NOS3: variants seen among roughly 807,000 people sequenced by gnomAD.
NOS3 encodes the protein NOS type III.
Under a neutral mutation model 144.9 loss-of-function variants are expected in NOS3, and 98 were observed. The ratio of observed to expected loss-of-function variants is 0.68; its 90% CI spans 0.57 to 0.80. The LOEUF is 0.80. Among genes scored for constraint, NOS3 ranks in the 30% least tolerant of loss-of-function variants. The probability of loss-of-function intolerance (pLI) is 0.00; values close to 1 mark genes in which losing one functional copy is unlikely to be tolerated. For synonymous variants in NOS3, 714 were observed against 702.4 expected (o/e 1.02, Z -0.26); for missense variants, 1,465 against 1,656.4 (o/e 0.88, Z 2.01).
intron 1 of NOS3, among the ~76,000 whole-genome samples, chr7:150,992,493 A>G (rs1802274259): frequency 6.6e-6 from 1 of 152,092 alleles, no homozygotes; most frequent in Non-Finnish European, 1.5e-5. Context: ...GCAGCAGGGC[A>G]CACTAGTGTC....
chr7:151,012,463 G>C lies in NOS3; in HGVS notation c.3097G>C (p.Glu1033Gln). 6.2e-7 allele frequency: 1 copy of C among 1,612,144 alleles called. No homozygotes were observed. Among genetic ancestry groups the C allele is most frequent in the East Asian group, 2.2e-5 (1 of 44,834 alleles). The change falls in exon 24 of 27, where the codon GAG becomes CAG. Residue 1033 changes from glutamate to glutamine, a missense_variant. By Grantham distance (29) the Glu-to-Gln change is conservative. Around this residue, in one of 5 missense-constraint regions of NOS3, gnomAD observed 106 missense variants for 167.7 expected, o/e 0.63. Transcript: ENST00000297494. ...GFWQERLHDI[E>Q]SKGLQPTPMT... ...CTGGCAGGAGCGGCTGCATGACATT[G>C]AGAGCAAAGGTGAGGCTGGGGACTA...
Position 151,010,758 on chromosome 7 carries a change from C to T in NOS3, c.2847C>T (p.His949=). ...CAGTCAGCTCGGCACCCAGCACCCA[C>T]CCAGGAGAGATCCACCTCACTGTAG... ...YYSVSSAPST[H]PGEIHLTVAV... Residue 949 remains histidine, a synonymous_variant, in exon 22 of 27, where the codon CAC becomes CAT. Coordinates refer to ENST00000297494, the MANE Select transcript of NOS3 (RefSeq NM_000603.5). 3 of 1,613,558 alleles carry T rather than the reference C, an allele frequency of 1.9e-6. No individual in the cohort carries two copies. Among genetic ancestry groups the T allele is most frequent in the Non-Finnish European group, 1.7e-6 (2 of 1,179,812 alleles).
chr7:151,000,645 G>A, intron 10 of NOS3, 46 bp downstream of exon 10: 1 of 1,270,272 alleles, frequency 7.9e-7, no homozygotes, highest in Non-Finnish European at 1.1e-6. Context: ...TTTGCATACG[G>A]GGGCAGCAGG....
rs1277502939 is a variant in NOS3, at chr7:151,003,162, G to C, written c.1752+858G>C. 2.2e-6 allele frequency: 1 copy of C among 453,158 alleles called. No individual in the cohort carries two copies. Among genetic ancestry groups the C allele is most frequent in the Non-Finnish European group, 4.4e-6 (1 of 226,532 alleles). The allele number at this position is 453,158 out of a possible 1,614,324, so 28.1% of individuals were successfully genotyped here. Reference sequence around the variant, plus strand: ...TTCCTTTGAGACAGGGTCTCACTTTGTGGCCCAGGCTGGAGTGCAGTAGTA... The same window carrying C: ...TTCCTTTGAGACAGGGTCTCACTTTCTGGCCCAGGCTGGAGTGCAGTAGTA... On this transcript the variant is annotated intron_variant, in intron 14 of 26. Coordinates refer to ENST00000297494, the MANE Select transcript of NOS3 (RefSeq NM_000603.5). This position sits in a 1 kb window ranked among gnomAD's most constrained non-coding sequence, Gnocchi z 4.1.
intron 23 of NOS3, chr7:151,011,707 G>A: frequency 4.0e-6 from 1 of 249,624 alleles, no homozygotes. Context: ...TGTATTTTTA[G>A]TAGAGACGGT....
chr7:150,996,426 G>T lies in NOS3; in HGVS notation c.293G>T (p.Arg98Leu). Reference sequence around the variant, plus strand: ...CAGGATGGGCCCTGCACCCCAAGACGCTGCCTGGGCTCCCTGGTATTTCCA... The same window carrying T: ...CAGGATGGGCCCTGCACCCCAAGACTCTGCCTGGGCTCCCTGGTATTTCCA... ...AQQDGPCTPR[R>L]CLGSLVFPRK... The change falls in exon 4 of 27, where the codon CGC (arginine) becomes CTC (leucine). Residue 98 changes from arginine to leucine, a missense_variant. Arg to Leu is a moderately radical substitution (Grantham distance 102, BLOSUM62 -2). Coordinates refer to ENST00000297494, the MANE Select transcript of NOS3 (RefSeq NM_000603.5). 1 of 1,482,534 alleles carries T rather than the reference G, an allele frequency of 6.7e-7. No individual in the cohort carries two copies. The highest frequency in any genetic ancestry group is 9.0e-7 in the Non-Finnish European group (1 of 1,112,338). The allele number at this position is 1,482,534 out of a possible 1,614,324, so 91.8% of individuals were successfully genotyped here.
Position 150,998,127 on chromosome 7 carries a change from T to C in NOS3, c.583-230T>C, listed in dbSNP as rs1196160362. Among the ~76,000 whole-genome samples, 16 of 152,070 alleles carry C rather than the reference T, an allele frequency of 1.1e-4. No homozygotes were observed. The highest frequency in any genetic ancestry group is 1.5e-4 in the Non-Finnish European group (10 of 67,996). On this transcript the variant is annotated intron_variant, in intron 5 of 26. Coordinates refer to ENST00000297494, the MANE Select transcript of NOS3 (RefSeq NM_000603.5). The surrounding 1 kb of genome is among the most constrained non-coding windows in gnomAD (Gnocchi z 5.0). The stretch of plus-strand genomic sequence containing the variant: ...GTACTGGATACCAAGTCAGCTTCCA[T>C]AGGGATGGGGAGACACCTGGCCCAG...
At chr7:151,006,865 C>T (rs1396464550) in intron 15 of NOS3, 24 bp from the exon 16 acceptor site, 1 of 1,587,300 alleles carries the variant, frequency 6.3e-7, no homozygotes. Flanking sequence ...CTGTGACAAC[C>T]TTGTCTTTGT....
chr7:151,001,890 T>A lies in NOS3; in HGVS notation c.1572T>A (p.Tyr524Ter). ...AGCGAGTGAAGGCGACAATCCTGTATGGCTCCGAGACCGGCCGGGCCCAGA... is the reference window on the plus strand; with the variant it reads ...AGCGAGTGAAGGCGACAATCCTGTAAGGCTCCGAGACCGGCCGGGCCCAGA... ...MAKRVKATIL[Y>*]GSETGRAQSY... The change falls in exon 13 of 27, where the codon TAT (tyrosine) becomes TAA (stop). Residue 524 changes from tyrosine to a stop codon, truncating the protein, a stop_gained. Coordinates refer to ENST00000297494, the MANE Select transcript of NOS3 (RefSeq NM_000603.5). LOFTEE classifies it high-confidence loss of function. The A allele has an allele frequency of 6.2e-7, 1 of 1,613,688 alleles. No homozygotes were observed. Among genetic ancestry groups the A allele is most frequent in the Non-Finnish European group, 8.5e-7 (1 of 1,180,016 alleles).
chr7:151,013,649 G>GGCCA (rs1428779627), intron 25 of NOS3, 75 bp from the exon 26 acceptor site: 9 of 1,367,946 alleles, frequency 6.6e-6, no homozygotes, highest in Non-Finnish European at 8.9e-6. Flanking sequence ...TCACGTCCAG[G>GGCCA]GCCAGCCAGC....
At position 151,000,535 on chromosome 7, in the gene NOS3, C is replaced by T. The variant is rs772829876; in HGVS notation, c.1169C>T (p.Thr390Ile). Reference sequence around the variant, plus strand: ...TGCATGGACCTGGATACCCGGACCACCTCGTCCCTGTGGAAAGACAAGGCA... The same window carrying T: ...TGCATGGACCTGGATACCCGGACCATCTCGTCCCTGTGGAAAGACAAGGCA... ...AVCMDLDTRT[T>I]SSLWKDKAAV... Residue 390 changes from threonine (T) to isoleucine (I), a missense_variant, in exon 10 of 27, where the codon ACC becomes ATC. Coordinates refer to ENST00000297494, the MANE Select transcript of NOS3 (RefSeq NM_000603.5). The T allele has an allele frequency of 3.1e-6, 5 of 1,613,592 alleles. No homozygotes were observed. In the Admixed American group the frequency reaches 6.7e-5, roughly 22 times the overall value.
chr7:150,995,522 G>A (rs1802358618), intron 3 of NOS3, among the ~76,000 whole-genome samples: 1 of 109,100 alleles, frequency 9.2e-6, no homozygotes, highest in Admixed American at 1.0e-4. Context: ...CCCCAACCCT[G>A]GCTCAAACTC....
rs531218898 is a variant in NOS3 at position 151,003,312 on chromosome 7, G to A, written c.1752+1008G>A. On this transcript the variant is annotated intron_variant, in intron 14 of 26. Coordinates refer to ENST00000297494, the MANE Select transcript of NOS3 (RefSeq NM_000603.5). This position sits in a 1 kb window ranked among gnomAD's most constrained non-coding sequence, Gnocchi z 4.1. ...AGCTAATTTTTGTATTTTTTATAGA[G>A]ATGGGGTTTCGCCATGTTGCCCAGG... 9 of 590,940 alleles carry A rather than the reference G, an allele frequency of 1.5e-5. No individual in the cohort carries two copies. The highest frequency in any genetic ancestry group is 2.4e-5 in the Admixed American group (1 of 42,100). 36.6% of individuals were successfully genotyped at this position (590,940 alleles called of 1,614,324 possible). A position where few individuals can be genotyped will look rare whatever the true frequency, so the allele number is the denominator to read the frequency against.
At chr7:150,992,989 G>A (rs1802286767) in intron 1 of NOS3, among the ~76,000 whole-genome samples, 1 of 152,068 alleles carries the variant, frequency 6.6e-6, no homozygotes, top group South Asian at 2.1e-4. Flanking sequence ...CTCTTCCCTG[G>A]CCGGCTGACC....
At chr7:151,012,566 CAGGA>C in intron 24 of NOS3, 94 bp downstream of exon 24, 2 of 1,435,218 alleles carry the variant, frequency 1.4e-6, no homozygotes, top group South Asian at 2.6e-5. Context: ...AAAGAGAGGG[CAGGA>C]AACAAAGTCC....
Position 150,993,535 on chromosome 7 carries a change from A to T in NOS3, c.-51-218A>T, listed in dbSNP as rs954094047. On this transcript the variant is annotated intron_variant, in intron 1 of 26. Coordinates refer to ENST00000297494, the MANE Select transcript of NOS3 (RefSeq NM_000603.5). The surrounding 1 kb of genome is among the most constrained non-coding windows in gnomAD (Gnocchi z 4.0). Reference sequence around the variant, plus strand: ...TGCTGCAGCCCCAGGGCTCTGCTGGACACCTGGGCTCCCACTTATCAGCCT... The same window carrying T: ...TGCTGCAGCCCCAGGGCTCTGCTGGTCACCTGGGCTCCCACTTATCAGCCT... 3.9e-5 allele frequency among the ~76,000 whole-genome samples: 6 copies of T among 152,062 alleles called. No homozygotes were observed. Among genetic ancestry groups the T allele is most frequent in the Non-Finnish European group, 5.9e-5 (4 of 67,990 alleles).
chr7:151,007,062 G>A, intron 16 of NOS3, 40 bp from the exon 17 acceptor site: 12 of 1,614,052 alleles, frequency 7.4e-6, no homozygotes, highest in Non-Finnish European at 1.0e-5. Flanking sequence ...GGCAAACGTG[G>A]CCTGCAAAGG....
At chr7:151,001,672 C>T (rs1030938095) in intron 12 of NOS3, 55 bp downstream of exon 12, 3 of 1,582,664 alleles carry the variant, frequency 1.9e-6, no homozygotes, top group Admixed American at 1.7e-5. Flanking sequence ...CCCCACTCTC[C>T]CCCACACACC....
chr7:151,001,803 C>A lies in NOS3; in HGVS notation c.1503-18C>A. ...CCTCTGTGCACCCAGGACACCCTCA[C>A]ACCTTCCTCTCCCGCAGCGCCGTGA... On this transcript the variant is annotated intron_variant, in intron 12 of 26. Transcript: ENST00000297494. 1 of 1,613,466 alleles carries A rather than the reference C, an allele frequency of 6.2e-7. No homozygotes were observed. The highest frequency in any genetic ancestry group is 8.5e-7 in the Non-Finnish European group (1 of 1,179,922).
Sources: gnomAD v4.1 joint callset for allele counts (sites outside exome capture counted in the v4.1 genomes callset) on GRCh38, gnomAD v4.1.1 for gene constraint, gnomAD v4.1.1 regional missense constraint, Gnocchi (gnomAD v3.1) non-coding constraint, MANE v1.5 for transcripts, NCBI Gene and HGNC (gene_info 2026-07-23, HGNC 2026-07-21) for gene names.